NRXN3: variants seen among roughly 807,000 people sequenced by gnomAD.
NRXN3 encodes neurexin III.
In NRXN3, 32 loss-of-function variants were observed where a neutral mutation model predicts 137.6. That is an observed-to-expected ratio of 0.23 (90% confidence interval 0.18 to 0.31). NRXN3 has a LOEUF of 0.31. NRXN3 is among the 10% of genes least tolerant of loss of function. NRXN3 has a pLI of 1.00. For missense variants in NRXN3, 1,574 were observed against 2,062.5 expected, an observed-to-expected ratio of 0.76 and a Z score of 4.59; for synonymous variants, 798 against 784.5, an observed-to-expected ratio of 1.02 and a Z score of -0.29.
intron 16 of NRXN3, among the ~76,000 whole-genome samples, chr14:79,656,224 A>G (rs2098504859): frequency 6.6e-6 from 1 of 152,122 alleles, no homozygotes; most frequent in South Asian, 2.1e-4. Context: ...TAGCGGGGAA[A>G]CCGGACGTTT....
In NRXN3 at chr14:78,192,269, G is replaced by A. The variant is rs76100291; in HGVS notation, c.-704+21595G>A. Among the ~76,000 whole-genome samples, 52 of 152,272 alleles carry A rather than the reference G, an allele frequency of 3.4e-4. No homozygotes were observed. The East Asian group carries it at 9.5e-3, about 28-fold the overall frequency. On this transcript the variant is annotated intron_variant, in intron 1 of 20. Coordinates refer to ENST00000335750, the MANE Select transcript of NRXN3 (RefSeq NM_001330195.2). The stretch of plus-strand genomic sequence containing the variant: ...GATCTTATCCATAGAGTGAGGAGAT[G>A]CCTGTGGTGTCATTGTCACTCCTGA...
chr14:78,189,568 C>T (rs968867794), intron 1 of NRXN3, among the ~76,000 whole-genome samples: 6 of 152,074 alleles, frequency 3.9e-5, no homozygotes, highest in African/African-American at 9.7e-5. Flanking sequence ...GCCTTTGTCC[C>T]GGCAATTTTC....
intron 8 of NRXN3, among the ~76,000 whole-genome samples, chr14:78,784,035 C>T (rs1468839114): frequency 7.6e-6 from 1 of 131,920 alleles, no homozygotes; most frequent in Non-Finnish European, 1.6e-5. Flanking sequence ...TTGGAGCTTA[C>T]AGCCTAGAAG....
At chr14:78,778,800 CTT>C (rs2098757396) in intron 8 of NRXN3, among the ~76,000 whole-genome samples, 1 of 114,930 alleles carries the variant, frequency 8.7e-6, no homozygotes, top group African/African-American at 3.8e-5. Context: ...TTCTTTCTTT[CTT>C]TCTTTCTTTC....
rs138577836 is a variant in NRXN3 at position 78,267,752 on chromosome 14, C to A, written c.710-10893C>A. On this transcript the variant is annotated intron_variant, in intron 2 of 20. Transcript: ENST00000335750. ...ATTTCTCCAATCAAAGACTTTGAAG[C>A]GTTCTCTGTCAACTCTAAATCCCCC... Among the ~76,000 whole-genome samples, 638 of 152,258 alleles carry A rather than the reference C, an allele frequency of 4.2e-3. 6 individuals are homozygous for A. The highest frequency in any genetic ancestry group is 0.014 in the African/African-American group (602 of 41,542).
chr14:79,261,368 A>G (rs1291819909), intron 15 of NRXN3, among the ~76,000 whole-genome samples: 1 of 152,168 alleles, frequency 6.6e-6, no homozygotes, highest in Non-Finnish European at 1.5e-5. Context: ...AAAGGGACAT[A>G]TGCAGATTTG....
chr14:79,424,335 G>A (rs558275928), intron 15 of NRXN3, among the ~76,000 whole-genome samples: 4 of 152,040 alleles, frequency 2.6e-5, no homozygotes, highest in South Asian at 2.1e-4. Context: ...GGTAGATAAC[G>A]GCATTCAGAT....
At chr14:79,272,961 A>G (rs956520707) in intron 15 of NRXN3, among the ~76,000 whole-genome samples, 2 of 152,010 alleles carry the variant, frequency 1.3e-5, no homozygotes, top group Non-Finnish European at 2.9e-5. Flanking sequence ...TCACGAGGTC[A>G]GGAGATGGAG....
chr14:79,358,607 G>GAGAAAGAAGGAAAGAAAGAA (rs2093539455), intron 15 of NRXN3, among the ~76,000 whole-genome samples: 1 of 79,944 alleles, frequency 1.3e-5, no homozygotes, highest in South Asian at 6.5e-4. Context: ...AAGAAAGAAA[G>GAGAAAGAAGGAAAGAAAGAA]AGAAAGAAAG....
chr14:79,217,052 G>T (rs957120300), intron 15 of NRXN3, among the ~76,000 whole-genome samples: 2 of 152,014 alleles, frequency 1.3e-5, no homozygotes, highest in Non-Finnish European at 2.9e-5. Flanking sequence ...CTGGAGGATC[G>T]CTTGAAACCA....
intron 10 of NRXN3, among the ~76,000 whole-genome samples, chr14:78,882,016 G>A (rs958391611): frequency 3.3e-5 from 5 of 151,762 alleles, no homozygotes; most frequent in African/African-American, 1.2e-4. Context: ...AATGTGCCAA[G>A]GTACAGCTCA....
chr14:79,007,912 A>T (rs2099556912), intron 15 of NRXN3, among the ~76,000 whole-genome samples: 1 of 151,918 alleles, frequency 6.6e-6, no homozygotes, highest in Admixed American at 6.6e-5. Flanking sequence ...GGTAGGTACA[A>T]GGTTGACTAC....
Position 78,883,040 on chromosome 14 carries a change from C to T in NRXN3, c.2275+72696C>T, listed in dbSNP as rs187945762. On this transcript the variant is annotated intron_variant, in intron 10 of 20. Transcript: ENST00000335750. The stretch of plus-strand genomic sequence containing the variant: ...TCCCCCTTTTGCTCAGCACTTCTCC[C>T]TGGTGCCACCATGTGAAGAAGGACA... Among the ~76,000 whole-genome samples the T allele has an allele frequency of 4.0e-3, 604 of 152,196 alleles. 5 individuals carry two copies. Among genetic ancestry groups the T allele is most frequent in the African/African-American group, 0.014 (579 of 41,518 alleles).
chr14:78,497,927 G>T (rs934529643), intron 4 of NRXN3, among the ~76,000 whole-genome samples: 1 of 152,138 alleles, frequency 6.6e-6, no homozygotes, highest in African/African-American at 2.4e-5. Flanking sequence ...TTTTGTCCCG[G>T]AGGAATAGTT....
intron 15 of NRXN3, among the ~76,000 whole-genome samples, chr14:79,188,503 T>C (rs2063810294): frequency 6.6e-6 from 1 of 152,170 alleles, no homozygotes; most frequent in Non-Finnish European, 1.5e-5. Context: ...CATGCACATG[T>C]AGTTAATGGA....
At chr14:78,986,477 G>T (rs1393757118) in intron 14 of NRXN3, among the ~76,000 whole-genome samples, 1 of 152,118 alleles carries the variant, frequency 6.6e-6, no homozygotes, top group Non-Finnish European at 1.5e-5. Context: ...CAATCTGTAA[G>T]AGAGAGATCA....
chr14:79,360,070 G>A (rs2093630235), intron 15 of NRXN3, among the ~76,000 whole-genome samples: 1 of 152,094 alleles, frequency 6.6e-6, no homozygotes, highest in South Asian at 2.1e-4. Context: ...ATTATGAAAA[G>A]AATTATGCTG....
At chr14:78,174,366 C>T (rs1339676437) in intron 1 of NRXN3, among the ~76,000 whole-genome samples, 1 of 152,112 alleles carries the variant, frequency 6.6e-6, no homozygotes, top group Non-Finnish European at 1.5e-5. Context: ...CTGTGTCGAA[C>T]CAGAGGGCAC....
chr14:79,363,952 C>T (rs1599204478), intron 15 of NRXN3, among the ~76,000 whole-genome samples: 1 of 152,118 alleles, frequency 6.6e-6, no homozygotes, highest in African/African-American at 2.4e-5. Flanking sequence ...CATTTTGACA[C>T]CTACTCTTTA....
Sources: gnomAD v4.1 joint callset for allele counts (sites outside exome capture counted in the v4.1 genomes callset) on GRCh38, gnomAD v4.1.1 for gene constraint, MANE v1.5 for transcripts, NCBI Gene and HGNC (gene_info 2026-07-23, HGNC 2026-07-21) for gene names.